Variants in TMTC2 observed in about 807,000 individuals in gnomAD.
TMTC2 encodes protein O-mannosyl-transferase TMTC2.
A neutral mutation model predicts 82.4 loss-of-function variants in TMTC2; 43 were observed. That is an observed-to-expected ratio of 0.52 (90% CI 0.41 to 0.67). The LOEUF (loss-of-function observed/expected upper bound fraction) is 0.67. TMTC2 is among the 30% of genes least tolerant of loss of function. The pLI is 0.00. For synonymous variants in TMTC2, 408 were observed against 381.9 expected (o/e 1.07, Z -0.80); for missense variants, 919 against 1,012.4 (o/e 0.91, Z 1.25).
At chr12:82,821,415 A>G (rs553981330) in intron 1 of TMTC2, among the ~76,000 whole-genome samples, 1 of 152,290 alleles carries the variant, frequency 6.6e-6, no homozygotes, top group East Asian at 1.9e-4. Context: ...GGTAATGACT[A>G]ATGATAACAG....
intron 7 of TMTC2, among the ~76,000 whole-genome samples, chr12:82,969,416 T>C (rs1434411717): frequency 8.5e-5 from 13 of 152,160 alleles, no homozygotes; most frequent in Non-Finnish European, 2.9e-5. Context: ...CCCATTCTAT[T>C]TTTTTCTTTT....
At chr12:82,949,206 C>T (rs142570205) in intron 4 of TMTC2, among the ~76,000 whole-genome samples, 32 of 152,316 alleles carry the variant, frequency 2.1e-4, no homozygotes, top group African/African-American at 7.0e-4. Context: ...AAAGATTAGA[C>T]GTCCATGTTG....
intron 4 of TMTC2, among the ~76,000 whole-genome samples, chr12:82,948,595 A>G (rs1877163504): frequency 6.6e-6 from 1 of 152,196 alleles, no homozygotes; most frequent in South Asian, 2.1e-4. Context: ...AAGATACATG[A>G]TACCTTTTCC....
At chr12:82,928,824 T>A (rs1242004975) in intron 3 of TMTC2, among the ~76,000 whole-genome samples, 3 of 152,222 alleles carry the variant, frequency 2.0e-5, no homozygotes, top group Non-Finnish European at 4.4e-5. Flanking sequence ...GTTGCATAAT[T>A]GTGAGTTCAA....
At chr12:83,040,018 T>C (rs115488523) in intron 9 of TMTC2, among the ~76,000 whole-genome samples, 1,562 of 152,358 alleles carry the variant, frequency 0.01, 32 homozygotes, top group African/African-American at 0.036. Flanking sequence ...AGTGCTGTTA[T>C]GACTGAAGCT....
chr12:82,820,338 A>G (rs761117947), intron 1 of TMTC2, among the ~76,000 whole-genome samples: 1 of 151,686 alleles, frequency 6.6e-6, no homozygotes, highest in Non-Finnish European at 1.5e-5. Context: ...TAACCATCAC[A>G]CTAAGGGAAC....
intron 11 of TMTC2, among the ~76,000 whole-genome samples, chr12:83,082,531 C>G (rs1476702374): frequency 2.6e-5 from 4 of 152,174 alleles, no homozygotes; most frequent in African/African-American, 9.7e-5. Context: ...ACTGTGCTTT[C>G]AGGTATATAT....
chr12:82,947,598 GGGA>G (rs1188240770), intron 4 of TMTC2, among the ~76,000 whole-genome samples: 2 of 151,986 alleles, frequency 1.3e-5, no homozygotes, highest in African/African-American at 2.4e-5. Flanking sequence ...CCAAAGTGCT[GGGA>G]TTACAGGCGT....
At chr12:82,865,408 CAAAG>C (rs1240735562) in intron 2 of TMTC2, among the ~76,000 whole-genome samples, 2 of 152,070 alleles carry the variant, frequency 1.3e-5, no homozygotes, top group Non-Finnish European at 2.9e-5. Context: ...TCAAAAGAGA[CAAAG>C]AAGGCCATTA....
At chr12:82,691,153 C>T (rs887133688) in intron 1 of TMTC2, among the ~76,000 whole-genome samples, 1 of 152,164 alleles carries the variant, frequency 6.6e-6, no homozygotes, top group African/African-American at 2.4e-5. Flanking sequence ...TTTAAATTCT[C>T]ATATGAGTAA....
chr12:82,855,551 G>A (rs1017638306), intron 1 of TMTC2, among the ~76,000 whole-genome samples: 3 of 152,132 alleles, frequency 2.0e-5, no homozygotes, highest in Non-Finnish European at 4.4e-5. Flanking sequence ...TAGTTCTGGA[G>A]TTCTCATTCC....
chr12:82,932,748 G>A (rs1002084762), intron 4 of TMTC2, among the ~76,000 whole-genome samples: 2 of 152,126 alleles, frequency 1.3e-5, no homozygotes, highest in East Asian at 3.9e-4. Flanking sequence ...AAAGGAAACT[G>A]AACAATGAAC....
In TMTC2 at chr12:82,815,564, G is replaced by A. The variant is rs1232701549; in HGVS notation, c.84-41446G>A. 2.6e-5 allele frequency among the ~76,000 whole-genome samples: 4 copies of A among 151,856 alleles called. No individual in the cohort carries two copies. In the East Asian group the frequency reaches 7.7e-4, roughly 29 times the overall value. Reference sequence around the variant, plus strand: ...CCTGCCCTCATGATCCGCCCACTTCGGCCTCCCAAAGTGCTGGGATTACAG... The same window carrying A: ...CCTGCCCTCATGATCCGCCCACTTCAGCCTCCCAAAGTGCTGGGATTACAG... On this transcript the variant is annotated intron_variant, in intron 1 of 11. Coordinates refer to ENST00000321196, the MANE Select transcript of TMTC2 (RefSeq NM_152588.3).
intron 10 of TMTC2, among the ~76,000 whole-genome samples, chr12:83,058,275 G>A (rs1882616124): frequency 6.6e-6 from 1 of 151,780 alleles, no homozygotes; most frequent in Admixed American, 6.6e-5. Context: ...CGATCTGAGA[G>A]TATATTTTCA....
chr12:83,070,706 T>C (rs894469765), intron 11 of TMTC2, among the ~76,000 whole-genome samples: 1 of 152,176 alleles, frequency 6.6e-6, no homozygotes, highest in African/African-American at 2.4e-5. Context: ...CTGATTGTTA[T>C]GGCTAGGACT....
chr12:83,071,124 T>C (rs1373941543), intron 11 of TMTC2, among the ~76,000 whole-genome samples: 2 of 151,928 alleles, frequency 1.3e-5, no homozygotes, highest in Non-Finnish European at 2.9e-5. Flanking sequence ...ATATCAATAG[T>C]CATCAAGAAT....
chr12:83,125,920 A>G (rs1885085917), intron 11 of TMTC2, among the ~76,000 whole-genome samples: 1 of 152,180 alleles, frequency 6.6e-6, no homozygotes, highest in Non-Finnish European at 1.5e-5. Context: ...TAGCAAAGTC[A>G]AAGATCCCCT....
At chr12:83,127,660 A>G (rs1023675346) in intron 11 of TMTC2, among the ~76,000 whole-genome samples, 1 of 152,214 alleles carries the variant, frequency 6.6e-6, no homozygotes, top group East Asian at 1.9e-4. Context: ...CCAATCCTAC[A>G]TGATAAGCTT....
At position 83,050,976 on chromosome 12, in the gene TMTC2, G is replaced by A. The variant is rs202237669; in HGVS notation, c.2225G>A (p.Ser742Asn). 455 of 1,612,700 alleles carry A rather than the reference G, an allele frequency of 2.8e-4. No individual in the cohort carries two copies. Among genetic ancestry groups the A allele is most frequent in the Non-Finnish European group, 3.7e-4 (431 of 1,179,226 alleles). ...GCAAAAAAAGCAGCTGAACTAGACA[G>A]CACAGAGTTTGATGTTGTCTTCAAT... ...EMAKKAAELDSTEFDVVFNAA... is the reference protein window; with the variant it reads ...EMAKKAAELDNTEFDVVFNAA... Residue 742 changes from serine (S) to asparagine (N), a missense_variant, in exon 10 of 12, where the codon AGC (serine) becomes AAC (asparagine). By Grantham distance (46) the Ser-to-Asn change is conservative. Transcript: ENST00000321196.
Sources: gnomAD v4.1 joint callset for allele counts (sites outside exome capture counted in the v4.1 genomes callset) on GRCh38, gnomAD v4.1.1 for gene constraint, MANE v1.5 for transcripts, NCBI Gene and HGNC (gene_info 2026-07-23, HGNC 2026-07-21) for gene names.